Variants in RNF144A observed in about 807,000 individuals in gnomAD.
The protein encoded by RNF144A is E3 ubiquitin-protein ligase RNF144A.
In RNF144A, 11 loss-of-function variants were observed where a neutral mutation model predicts 38.7. The observed-to-expected ratio is 0.28, with a 90% CI of 0.18 to 0.47. The LOEUF is 0.47. Ranked by LOEUF, RNF144A falls within the 20% of genes least tolerant of loss-of-function variation. RNF144A has a pLI of 0.99. For missense variants in RNF144A, 316 were observed against 377.2 expected (o/e 0.84, Z 1.34); for synonymous variants, 149 against 143.9 (o/e 1.04, Z -0.25).
In RNF144A at chr2:7,043,057, G is replaced by A. The variant is rs1323570079; in HGVS notation, c.*3297G>A. The A allele has an allele frequency of 1.4e-5, 7 of 516,758 alleles. No individual in the cohort carries two copies. Among genetic ancestry groups the A allele is most frequent in the African/African-American group, 6.3e-5 (3 of 48,000 alleles). The allele number at this position is 516,758 out of a possible 1,614,324, so 32.0% of individuals were successfully genotyped here. On this transcript the variant is annotated 3_prime_UTR_variant, in exon 9 of 9. Transcript: ENST00000320892. ...TAATTTTTGTATTTTCAGTAGAGACGGGGTTTCACCATGTTGGCCAGGCTA... is the reference window on the plus strand; with the variant it reads ...TAATTTTTGTATTTTCAGTAGAGACAGGGTTTCACCATGTTGGCCAGGCTA...
At position 6,941,935 on chromosome 2, in the gene RNF144A, T is replaced by C. The variant is rs1666019242; in HGVS notation, c.-12+788T>C. Among the ~76,000 whole-genome samples, 1 of 152,372 alleles carries C rather than the reference T, an allele frequency of 6.6e-6. No individual in the cohort carries two copies. The highest frequency in any genetic ancestry group is 6.5e-5 in the Admixed American group (1 of 15,310). ...GGCAGGGCATAGTGGGACCTGGCTGTGCCTGCCATTGCAGGCTGTGGGGGA... is the reference window on the plus strand; with the variant it reads ...GGCAGGGCATAGTGGGACCTGGCTGCGCCTGCCATTGCAGGCTGTGGGGGA... On this transcript the variant is annotated intron_variant, in intron 2 of 8. Coordinates refer to ENST00000320892, the MANE Select transcript of RNF144A (RefSeq NM_014746.6). The surrounding 1 kb of genome is among the most constrained non-coding windows in gnomAD (Gnocchi z 6.5).
chr2:7,069,702 GAGTTGAGCACAGGTAA>G (rs2103485013), downstream of RNF144A, among the ~76,000 whole-genome samples: 1 of 152,280 alleles, frequency 6.6e-6, no homozygotes, highest in South Asian at 2.1e-4. Context: ...AAATTTTGGA[GAGTTGAGCACAGGTAA>G]TTTGAGTTCA....
At chr2:6,942,646 G>A (rs1666078502) in intron 2 of RNF144A, among the ~76,000 whole-genome samples, 1 of 152,198 alleles carries the variant, frequency 6.6e-6, no homozygotes, top group Non-Finnish European at 1.5e-5. Context: ...ATTGTCACCA[G>A]TGGAGATGGA....
chr2:6,956,944 C>G (rs1278993787), intron 2 of RNF144A, among the ~76,000 whole-genome samples: 1 of 152,232 alleles, frequency 6.6e-6, no homozygotes, highest in East Asian at 1.9e-4. Context: ...CTGTTGAAAA[C>G]TCCATCAGTA....
At chr2:6,964,092 A>ATTT (rs1667503473) in intron 2 of RNF144A, among the ~76,000 whole-genome samples, 3 of 152,096 alleles carry the variant, frequency 2.0e-5, no homozygotes, top group Non-Finnish European at 2.9e-5. Flanking sequence ...GAAAACAAAA[A>ATTT]AACACAACAC....
chr2:6,950,078 G>T (rs1258376003), intron 2 of RNF144A, among the ~76,000 whole-genome samples: 2 of 152,104 alleles, frequency 1.3e-5, no homozygotes, highest in Non-Finnish European at 2.9e-5. Context: ...GTATTCAGTA[G>T]AATTTGACAC....
chr2:7,055,696 C>T (rs79449632), intron 6 of RNF144A, among the ~76,000 whole-genome samples: 3,806 of 152,292 alleles, frequency 0.025, 63 homozygotes, highest in Non-Finnish European at 0.038. Context: ...CTTTCCCAGA[C>T]CAAACATTCA....
chr2:6,948,058 G>A (rs899381366), intron 2 of RNF144A, among the ~76,000 whole-genome samples: 1 of 152,246 alleles, frequency 6.6e-6, no homozygotes. Context: ...GGAGGTCAGT[G>A]TGTATAACTG....
At chr2:6,982,568 A>C (rs986366559) in intron 2 of RNF144A, among the ~76,000 whole-genome samples, 10 of 152,244 alleles carry the variant, frequency 6.6e-5, no homozygotes, top group African/African-American at 2.4e-4. Flanking sequence ...ATACAGCTTA[A>C]CATTTTTCCT....
At chr2:7,055,084 C>T (rs906538999) in intron 6 of RNF144A, among the ~76,000 whole-genome samples, 2 of 152,152 alleles carry the variant, frequency 1.3e-5, no homozygotes, top group African/African-American at 2.4e-5. Flanking sequence ...AAATGCTCTC[C>T]CTTCCTTTAC....
chr2:6,979,532 A>C (rs1668506017), intron 2 of RNF144A, among the ~76,000 whole-genome samples: 2 of 151,798 alleles, frequency 1.3e-5, no homozygotes, highest in Admixed American at 6.6e-5. Context: ...AGAAATCATT[A>C]GCTTTTTTTT....
intron 2 of RNF144A, among the ~76,000 whole-genome samples, chr2:6,966,475 G>A (rs1667674459): frequency 6.6e-6 from 1 of 152,220 alleles, no homozygotes; most frequent in Non-Finnish European, 1.5e-5. Flanking sequence ...ACCCACTTTG[G>A]TCTTCCCAGA....
intron 2 of RNF144A, among the ~76,000 whole-genome samples, chr2:6,980,819 T>G (rs559485626): frequency 6.6e-6 from 1 of 152,290 alleles, no homozygotes; most frequent in African/African-American, 2.4e-5. Flanking sequence ...CCATGAAGGT[T>G]CTCCATGAAG....
chr2:7,046,032 A>G (rs927305020), downstream of RNF144A, among the ~76,000 whole-genome samples: 16 of 152,218 alleles, frequency 1.1e-4, 2 homozygotes, highest in Admixed American at 7.2e-4. Flanking sequence ...AGTCTTATCA[A>G]CTCTTAGAGG....
chr2:6,930,526 T>C (rs1209261656), intron 1 of RNF144A, among the ~76,000 whole-genome samples: 1 of 152,034 alleles, frequency 6.6e-6, no homozygotes, highest in Non-Finnish European at 1.5e-5. Flanking sequence ...TCTATGGGTA[T>C]ATATATAATA....
At position 6,941,692 on chromosome 2, in the gene RNF144A, A is replaced by G. The variant is rs915736193; in HGVS notation, c.-12+545A>G. 2.6e-5 allele frequency among the ~76,000 whole-genome samples: 4 copies of G among 152,414 alleles called. No homozygotes were observed. The highest frequency in any genetic ancestry group is 2.1e-4 in the South Asian group (1 of 4,834). ...AAAGAAAAAGTAGACCATGTCTAGT[A>G]CGACGGGGCAGGTTGCAGTTTTAAG... is the stretch of plus-strand genomic sequence containing the variant. On this transcript the variant is annotated intron_variant, in intron 2 of 8. Coordinates refer to ENST00000320892, the MANE Select transcript of RNF144A (RefSeq NM_014746.6). This position sits in a 1 kb window ranked among gnomAD's most constrained non-coding sequence, Gnocchi z 6.5.
intron 2 of RNF144A, among the ~76,000 whole-genome samples, chr2:6,981,319 A>T (rs1174290997): frequency 1.3e-5 from 2 of 151,942 alleles, no homozygotes; most frequent in African/African-American, 4.8e-5. Flanking sequence ...CAAATTTTCT[A>T]AACTTTTATC....
chr2:7,036,572 G>T (rs1672692894), intron 8 of RNF144A, among the ~76,000 whole-genome samples: 1 of 152,204 alleles, frequency 6.6e-6, no homozygotes, highest in Admixed American at 6.5e-5. Context: ...ACACCAGGAT[G>T]CTAAGCTCTG....
At chr2:7,021,141 G>T (rs1558439011) in intron 6 of RNF144A, among the ~76,000 whole-genome samples, 1 of 152,284 alleles carries the variant, frequency 6.6e-6, no homozygotes, top group South Asian at 2.1e-4. Flanking sequence ...CTCCCCTGCA[G>T]CCATAGTCGG....
Sources: gnomAD v4.1 joint callset for allele counts (sites outside exome capture counted in the v4.1 genomes callset) on GRCh38, gnomAD v4.1.1 for gene constraint, Gnocchi (gnomAD v3.1) non-coding constraint, MANE v1.5 for transcripts, NCBI Gene and HGNC (gene_info 2026-07-23, HGNC 2026-07-21) for gene names.